The following BRPF1 variants were observed in gnomAD, a reference collection of about 807,000 sequenced individuals.
BRPF1 encodes the protein peregrin.
In BRPF1, 15 loss-of-function variants were observed where a neutral mutation model predicts 115.0. The ratio of observed to expected loss-of-function variants is 0.13; its 90% CI spans 0.09 to 0.20. The LOEUF (loss-of-function observed/expected upper bound fraction) is 0.20. BRPF1 is among the 10% of genes least tolerant of loss of function. The pLI is 1.00. For synonymous variants in BRPF1, 647 were observed against 619.8 expected, an observed-to-expected ratio of 1.04 and a Z score of -0.65; for missense variants, 1,118 against 1,638.3, an observed-to-expected ratio of 0.68 and a Z score of 5.48.
chr3:9,744,681 C>T (rs2077092436), intron 9 of BRPF1, among the ~76,000 whole-genome samples, 173 bp downstream of exon 9: 1 of 152,238 alleles, frequency 6.6e-6, no homozygotes, highest in Non-Finnish European at 1.5e-5. Flanking sequence ...GGCCCAGAGA[C>T]ACTACGACCC....
Position 9,745,081 on chromosome 3 carries a change from C to T in BRPF1, c.2994C>T (p.Cys998=). 1 of 1,614,242 alleles carries T rather than the reference C, an allele frequency of 6.2e-7. No individual in the cohort carries two copies. Among genetic ancestry groups the T allele is most frequent in the Non-Finnish European group, 8.5e-7 (1 of 1,180,044 alleles). The change falls in exon 10 of 14, where the codon TGC becomes TGT. Residue 998 remains cysteine, a synonymous_variant. Transcript: ENST00000383829. This position sits in a 1 kb window ranked among gnomAD's most constrained non-coding sequence, Gnocchi z 5.1. ...GTTTCTTGGTATACCGTAATGACTG[C>T]AGCCTTCCCCGGAGCAGCTCAGACT... ...KKSFLVYRND[C]SLPRSSSDSE...
In BRPF1 at chr3:9,734,212, G is replaced by A. The variant is rs768828309; in HGVS notation, c.72G>A (p.Pro24=). 1.1e-5 allele frequency: 18 copies of A among 1,613,874 alleles called. No individual in the cohort carries two copies. Among genetic ancestry groups the A allele is most frequent in the South Asian group, 3.3e-5 (3 of 91,082 alleles). ...LRATKPPYEC[P]VETCRKVYKS... is the part of the protein sequence containing the mutation. ...CGACTAAGCCACCATACGAGTGCCCGGTGGAGACCTGCCGAAAGGTCTACA... is the reference window on the plus strand; with the variant it reads ...CGACTAAGCCACCATACGAGTGCCCAGTGGAGACCTGCCGAAAGGTCTACA... The change falls in exon 2 of 14, where the codon CCG becomes CCA. Residue 24 remains proline, a synonymous_variant. Coordinates refer to ENST00000383829, the MANE Select transcript of BRPF1 (RefSeq NM_001003694.2). This position sits in a 1 kb window ranked among gnomAD's most constrained non-coding sequence, Gnocchi z 5.7.
At position 9,734,206 on chromosome 3, in the gene BRPF1, G is replaced by T; in HGVS notation, c.66G>T (p.Glu22Asp). The T allele has an allele frequency of 6.2e-7, 1 of 1,614,014 alleles. No homozygotes were observed. Among genetic ancestry groups the T allele is most frequent in the Non-Finnish European group, 8.5e-7 (1 of 1,179,944 alleles). The change falls in exon 2 of 14, where the codon GAG becomes GAT. Residue 22 changes from glutamate to aspartate, a missense_variant. Transcript: ENST00000383829. This position sits in a 1 kb window ranked among gnomAD's most constrained non-coding sequence, Gnocchi z 5.7. Reference sequence around the variant, plus strand: ...TGCGGGCGACTAAGCCACCATACGAGTGCCCGGTGGAGACCTGCCGAAAGG... The same window carrying T: ...TGCGGGCGACTAAGCCACCATACGATTGCCCGGTGGAGACCTGCCGAAAGG... The part of the protein sequence containing the change: ...HNLRATKPPY[E>D]CPVETCRKVY...
chr3:9,734,398 C>T lies in BRPF1; in HGVS notation c.258C>T (p.Gly86=). Reference sequence around the variant, plus strand: ...CCTCAGAGGTCTCACAGTCACCAGGCCGTGAGGTGATGAGCTATGCACAGG... The same window carrying T: ...CCTCAGAGGTCTCACAGTCACCAGGTCGTGAGGTGATGAGCTATGCACAGG... ...PSPSEVSQSP[G]REVMSYAQAQ... is the part of the protein sequence containing the mutation. Residue 86 remains glycine (G), a synonymous_variant, in exon 2 of 14, where the codon GGC becomes GGT. Coordinates refer to ENST00000383829, the MANE Select transcript of BRPF1 (RefSeq NM_001003694.2). The surrounding 1 kb of genome is among the most constrained non-coding windows in gnomAD (Gnocchi z 5.7). 6.2e-7 allele frequency: 1 copy of T among 1,614,026 alleles called. No individual in the cohort carries two copies. The highest frequency in any genetic ancestry group is 1.3e-5 in the African/African-American group (1 of 74,980).
chr3:9,737,617 T>G (rs2076963897), intron 2 of BRPF1, among the ~76,000 whole-genome samples: 1 of 152,224 alleles, frequency 6.6e-6, no homozygotes, highest in Admixed American at 6.5e-5. Context: ...GAGCTAATGT[T>G]TTTCTAGGGC....
At chr3:9,732,931 C>T (rs79366556) in intron 1 of BRPF1, among the ~76,000 whole-genome samples, 1 of 152,238 alleles carries the variant, frequency 6.6e-6, no homozygotes, top group African/African-American at 2.4e-5. Flanking sequence ...CCAAGCTGGG[C>T]TTCCTGAGGC....
rs1432567744 is a variant in BRPF1 at position 9,741,321 on chromosome 3, A to G, written c.1736A>G (p.Asp579Gly). 6.3e-7 allele frequency: 1 copy of G among 1,583,882 alleles called. No homozygotes were observed. Among genetic ancestry groups the G allele is most frequent in the Non-Finnish European group, 8.6e-7 (1 of 1,160,788 alleles). Residue 579 changes from aspartate to glycine, a missense_variant, in exon 5 of 14, where the codon GAT (aspartate) becomes GGT (glycine). This residue lies in a region of BRPF1 where 178 missense variants were observed against 303.7 expected (regional missense o/e 0.59). Transcript: ENST00000383829. ...TTGCCTCTACAGAGAGATTCTGAGG[A>G]TAAGAACTGGGCCCTTAAAGAACAG... ...NCDQVGRDSE[D>G]KNWALKEQLK...
In BRPF1 at chr3:9,747,059, G is replaced by T; in HGVS notation, c.3480-107G>T. ...CTTTGAGGGCAGGGACCATCACAGA[G>T]TCTGGCCAGAGTGGGTGCTTGGGTG... On this transcript the variant is annotated intron_variant, in intron 13 of 13. Transcript: ENST00000383829. This position sits in a 1 kb window ranked among gnomAD's most constrained non-coding sequence, Gnocchi z 5.6. 2.4e-6 allele frequency: 3 copies of T among 1,248,948 alleles called. No homozygotes were observed. Among genetic ancestry groups the T allele is most frequent in the Non-Finnish European group, 3.5e-6 (3 of 867,708 alleles). 77.4% of individuals were successfully genotyped at this position (1,248,948 alleles called of 1,614,324 possible).
chr3:9,735,090 C>G (rs1453226195), intron 2 of BRPF1, among the ~76,000 whole-genome samples: 4 of 151,076 alleles, frequency 2.6e-5, no homozygotes, highest in African/African-American at 9.8e-5. Context: ...TTGGCTCACC[C>G]CAACTTCCTC....
chr3:9,747,049 C>A lies in BRPF1; in HGVS notation c.3480-117C>A. On this transcript the variant is annotated intron_variant, in intron 13 of 13. Coordinates refer to ENST00000383829, the MANE Select transcript of BRPF1 (RefSeq NM_001003694.2). This position sits in a 1 kb window ranked among gnomAD's most constrained non-coding sequence, Gnocchi z 5.6. ...ATGAACAGTCCTTTGAGGGCAGGGA[C>A]CATCACAGAGTCTGGCCAGAGTGGG... The A allele has an allele frequency of 9.1e-7, 1 of 1,104,532 alleles. No individual in the cohort carries two copies. The highest frequency in any genetic ancestry group is 1.4e-6 in the Non-Finnish European group (1 of 739,472). The allele number at this position is 1,104,532 out of a possible 1,614,324, so 68.4% of individuals were successfully genotyped here.
chr3:9,741,971 T>G (rs2077039454), intron 5 of BRPF1, 54 bp from the exon 6 acceptor site: 2 of 1,603,910 alleles, frequency 1.2e-6, no homozygotes, highest in Non-Finnish European at 8.5e-7. Context: ...TCCTCAGACC[T>G]CTTTGCCACT....
At chr3:9,746,007 C>T (rs2077119389) in intron 12 of BRPF1, 77 bp downstream of exon 12, 1 of 1,485,502 alleles carries the variant, frequency 6.7e-7, no homozygotes, top group Middle Eastern at 1.8e-4. Flanking sequence ...TTTCCTACTC[C>T]CTGCTGAGCT....
At chr3:9,733,545 C>T (rs2076890761) in intron 1 of BRPF1, among the ~76,000 whole-genome samples, 1 of 152,120 alleles carries the variant, frequency 6.6e-6, no homozygotes, top group African/African-American at 2.4e-5. Context: ...GAAACAGCTC[C>T]CCATGGGAGA....
chr3:9,734,635 C>T lies in BRPF1; in HGVS notation c.495C>T (p.His165=). 1 of 1,614,176 alleles carries T rather than the reference C, an allele frequency of 6.2e-7. No homozygotes were observed. The highest frequency in any genetic ancestry group is 8.5e-7 in the Non-Finnish European group (1 of 1,180,032). ...GCAAGGACTCCAACCATCACCACCACCACAATGTTTCTGCGAGCACCACTC... is the reference window on the plus strand; with the variant it reads ...GCAAGGACTCCAACCATCACCACCATCACAATGTTTCTGCGAGCACCACTC... ...EKRKDSNHHH[H]HNVSASTTPK... Residue 165 remains histidine, a synonymous_variant, in exon 2 of 14, where the codon CAC becomes CAT. Transcript: ENST00000383829. This position sits in a 1 kb window ranked among gnomAD's most constrained non-coding sequence, Gnocchi z 5.7.
At chr3:9,741,909 C>A in intron 5 of BRPF1, 116 bp from the exon 6 acceptor site, 1 of 1,218,446 alleles carries the variant, frequency 8.2e-7, no homozygotes, top group Non-Finnish European at 1.1e-6. Flanking sequence ...ATGAGTACAC[C>A]CAGCTGTGAG....
rs903050971 is a variant in BRPF1 at position 9,740,689 on chromosome 3, C to T, written c.1560-90C>T. On this transcript the variant is annotated intron_variant, in intron 3 of 13. Coordinates refer to ENST00000383829, the MANE Select transcript of BRPF1 (RefSeq NM_001003694.2). The stretch of plus-strand genomic sequence containing the variant: ...ACAAGAGATCCTCTCCCTTCATCCC[C>T]ATTCAGGAACTTTCACTGGCCAGAG... 16 of 1,489,154 alleles carry T rather than the reference C, an allele frequency of 1.1e-5. 1 individual carries two copies. The highest frequency in any genetic ancestry group is 2.8e-5 in the African/African-American group (2 of 72,042). The allele number at this position is 1,489,154 out of a possible 1,614,324, so 92.2% of individuals were successfully genotyped here.
At chr3:9,732,910 G>C (rs1422897745) in intron 1 of BRPF1, among the ~76,000 whole-genome samples, 1 of 152,156 alleles carries the variant, frequency 6.6e-6, no homozygotes, top group African/African-American at 2.4e-5. Flanking sequence ...AGAAATTGGG[G>C]CAGTCTCTGA....
intron 6 of BRPF1, among the ~76,000 whole-genome samples, chr3:9,742,719 G>GA (rs1180823110): frequency 6.6e-6 from 1 of 152,106 alleles, no homozygotes; most frequent in African/African-American, 2.4e-5. Flanking sequence ...TCCAGGAGAG[G>GA]AAAAGTAGGC....
At chr3:9,742,247 G>C in intron 6 of BRPF1, 76 bp downstream of exon 6, 3 of 1,575,616 alleles carry the variant, frequency 1.9e-6, no homozygotes, top group Non-Finnish European at 2.6e-6. Context: ...GTCTGGGCCA[G>C]GACTAGATGG....
Sources: allele counts gnomAD v4.1 joint callset (sites outside exome capture counted in the v4.1 genomes callset), GRCh38; gene constraint gnomAD v4.1.1; regional missense constraint gnomAD v4.1.1; non-coding constraint Gnocchi (gnomAD v3.1); transcripts MANE v1.5; gene names NCBI Gene and HGNC (gene_info 2026-07-23, HGNC 2026-07-21).